The following MARCHF4 variants were observed in gnomAD, a reference collection of about 807,000 sequenced individuals.
MARCHF4 encodes the protein membrane associated ring-CH-type finger 4.
In MARCHF4, 14 loss-of-function variants were observed where a neutral mutation model predicts 43.9. That is an observed-to-expected ratio of 0.32 (90% CI 0.21 to 0.50). MARCHF4 has a LOEUF of 0.50. Among genes scored for constraint, MARCHF4 ranks in the 20% least tolerant of loss-of-function variants. The pLI, the probability that MARCHF4 is intolerant of heterozygous loss-of-function variation, is 0.98. For missense variants in MARCHF4, 468 were observed against 536.7 expected, an observed-to-expected ratio of 0.87 and a Z score of 1.27; for synonymous variants, 226 against 213.3, an observed-to-expected ratio of 1.06 and a Z score of -0.52.
chr2:216,329,298 G>A (rs535127460), intron 1 of MARCHF4, among the ~76,000 whole-genome samples: 8 of 151,996 alleles, frequency 5.3e-5, no homozygotes, highest in South Asian at 2.1e-4. Flanking sequence ...GGAGAATGGC[G>A]TGAACCTGGG....
At chr2:216,357,962 A>G (rs953888262) in intron 1 of MARCHF4, among the ~76,000 whole-genome samples, 5 of 152,230 alleles carry the variant, frequency 3.3e-5, no homozygotes, top group Admixed American at 1.3e-4. Context: ...CCGCAATCAT[A>G]CACAGTCCAA....
At chr2:216,287,740 T>C (rs923807852) in intron 1 of MARCHF4, among the ~76,000 whole-genome samples, 2 of 151,138 alleles carry the variant, frequency 1.3e-5, no homozygotes, top group Admixed American at 6.6e-5. Context: ...TATACATATG[T>C]AACAAACCTG....
At chr2:216,312,253 T>G (rs954998697) in intron 1 of MARCHF4, among the ~76,000 whole-genome samples, 3 of 152,198 alleles carry the variant, frequency 2.0e-5, no homozygotes, top group Non-Finnish European at 4.4e-5. Flanking sequence ...GATAATGGCT[T>G]CCGGCTTCAT....
At chr2:216,292,232 G>T (rs1486522148) in intron 1 of MARCHF4, among the ~76,000 whole-genome samples, 1 of 152,244 alleles carries the variant, frequency 6.6e-6, no homozygotes, top group Non-Finnish European at 1.5e-5. Flanking sequence ...TGGTGAGGGG[G>T]AGATATCTGT....
intron 1 of MARCHF4, among the ~76,000 whole-genome samples, chr2:216,345,345 A>AT (rs58568588): frequency 1.4e-3 from 199 of 143,704 alleles, no homozygotes; most frequent in East Asian, 2.4e-3. Flanking sequence ...TTATACCCTG[A>AT]TTTTTTTTTT....
intron 1 of MARCHF4, among the ~76,000 whole-genome samples, chr2:216,313,892 ATGGGAAGCAC>A (rs1691730095): frequency 1.3e-5 from 2 of 152,344 alleles, no homozygotes; most frequent in South Asian, 4.1e-4. Flanking sequence ...AATAAGCATT[ATGGGAAGCAC>A]TTAGGGCTAA....
intron 1 of MARCHF4, among the ~76,000 whole-genome samples, chr2:216,318,930 A>G (rs1691831475): frequency 6.6e-6 from 1 of 152,180 alleles, no homozygotes; most frequent in Non-Finnish European, 1.5e-5. Context: ...AGGTAGGATT[A>G]TGGATTTTCT....
At chr2:216,342,431 T>C (rs1692251797) in intron 1 of MARCHF4, among the ~76,000 whole-genome samples, 1 of 152,036 alleles carries the variant, frequency 6.6e-6, no homozygotes, top group Non-Finnish European at 1.5e-5. Context: ...CCCTCTTGGG[T>C]GCAAAAATGT....
In MARCHF4 at chr2:216,259,178, A is replaced by G; in HGVS notation, c.*134T>C. 7.4e-7 allele frequency: 1 copy of G among 1,356,040 alleles called. No homozygotes were observed. The highest frequency in any genetic ancestry group is 1.6e-5 in the South Asian group (1 of 61,922). The allele number at this position is 1,356,040 out of a possible 1,614,324, so 84.0% of individuals were successfully genotyped here. On this transcript the variant is annotated 3_prime_UTR_variant, in exon 4 of 4. Coordinates refer to ENST00000273067, the MANE Select transcript of MARCHF4 (RefSeq NM_020814.3). ...GCACCAGCCTCACTCCCGCTCTGAC[A>G]CTACCCCAGGGCTCCCGCCAGGTCC...
intron 1 of MARCHF4, 63 bp downstream of exon 1, chr2:216,369,682 G>C: frequency 4.4e-6 from 6 of 1,349,896 alleles, no homozygotes; most frequent in South Asian, 1.4e-5. Context: ...GCAAGCAGGC[G>C]AGTAGCAATC....
At chr2:216,335,540 A>C (rs1180646356) in intron 1 of MARCHF4, among the ~76,000 whole-genome samples, 1 of 152,250 alleles carries the variant, frequency 6.6e-6, no homozygotes, top group Non-Finnish European at 1.5e-5. Context: ...ATCAGAGGAA[A>C]CAATACCATC....
chr2:216,265,956 A>T (rs1275335247), intron 3 of MARCHF4: 2 of 152,240 alleles, frequency 1.3e-5, no homozygotes, highest in Non-Finnish European at 2.9e-5. Flanking sequence ...CTGTGTGTGG[A>T]CTGCTAGGCT....
intron 1 of MARCHF4, among the ~76,000 whole-genome samples, chr2:216,346,637 C>A (rs1286305162): frequency 6.6e-6 from 1 of 152,086 alleles, no homozygotes; most frequent in South Asian, 2.1e-4. Flanking sequence ...CAGGTGGGGG[C>A]AAAGGGCATA....
At chr2:216,342,954 T>G (rs1574483173) in intron 1 of MARCHF4, among the ~76,000 whole-genome samples, 15 of 149,634 alleles carry the variant, frequency 1.0e-4, no homozygotes, top group African/African-American at 1.7e-4. Context: ...GTGGGGAGGG[T>G]GGGGCAGGCA....
At position 216,259,111 on chromosome 2, in the gene MARCHF4, G is replaced by T; in HGVS notation, c.*201C>A. 1 of 568,860 alleles carries T rather than the reference G, an allele frequency of 1.8e-6. No individual in the cohort carries two copies. Among genetic ancestry groups the T allele is most frequent in the East Asian group, 2.9e-5 (1 of 34,614 alleles). The allele number at this position is 568,860 out of a possible 1,614,324, so 35.2% of individuals were successfully genotyped here. A position where few individuals can be genotyped will look rare whatever the true frequency, so the allele number is the denominator to read the frequency against. ...TGGTGTTGGTTTTCATTGTTGTTGT[G>T]GAGAGTGGCATTGACTGATTGGAAA... On this transcript the variant is annotated 3_prime_UTR_variant, in exon 4 of 4. Coordinates refer to ENST00000273067, the MANE Select transcript of MARCHF4 (RefSeq NM_020814.3).
At chr2:216,266,208 G>A (rs990887066) in intron 3 of MARCHF4, 11 of 152,192 alleles carry the variant, frequency 7.2e-5, no homozygotes, top group African/African-American at 2.2e-4. Flanking sequence ...CTCACCTTGC[G>A]GCTTTAGGTA....
chr2:216,293,198 A>G (rs1691335229), intron 1 of MARCHF4, among the ~76,000 whole-genome samples: 1 of 152,130 alleles, frequency 6.6e-6, no homozygotes, highest in African/African-American at 2.4e-5. Context: ...CTTTAGCTGC[A>G]CCACCCGTCC....
chr2:216,262,692 AG>A (rs1370472674), intron 3 of MARCHF4, among the ~76,000 whole-genome samples: 2 of 152,298 alleles, frequency 1.3e-5, no homozygotes, highest in East Asian at 3.9e-4. Context: ...TCTTTGGAGC[AG>A]GGAATTGGAA....
At chr2:216,294,170 T>C (rs1392699300) in intron 1 of MARCHF4, among the ~76,000 whole-genome samples, 1 of 152,236 alleles carries the variant, frequency 6.6e-6, no homozygotes, top group Non-Finnish European at 1.5e-5. Flanking sequence ...GGTCACCATG[T>C]TCTCTTTCTT....
Sources: allele counts gnomAD v4.1 joint callset (sites outside exome capture counted in the v4.1 genomes callset), GRCh38; gene constraint gnomAD v4.1.1; transcripts MANE v1.5; gene names NCBI Gene and HGNC (gene_info 2026-07-23, HGNC 2026-07-21).